Variants in FOXN3 observed in about 807,000 individuals in gnomAD.
The protein encoded by FOXN3 is forkhead box protein N3.
FOXN3 carries 7 observed loss-of-function variants against 38.4 expected under a neutral mutation model. That is an observed-to-expected ratio of 0.18 (90% CI 0.10 to 0.34). The LOEUF is 0.34. Ranked by LOEUF, FOXN3 falls within the 10% of genes least tolerant of loss-of-function variation. The pLI is 1.00. For missense variants in FOXN3, 456 were observed against 613.4 expected, an observed-to-expected ratio of 0.74 and a Z score of 2.71; for synonymous variants, 230 against 242.2, an observed-to-expected ratio of 0.95 and a Z score of 0.47.
intron 1 of FOXN3, among the ~76,000 whole-genome samples, chr14:89,504,825 C>T (rs185273215): frequency 2.0e-5 from 3 of 152,256 alleles, no homozygotes; most frequent in Admixed American, 2.0e-4. Context: ...CCCACAGGAC[C>T]AGCTGTTACC....
intron 4 of FOXN3, among the ~76,000 whole-genome samples, chr14:89,268,094 T>C (rs938118905): frequency 6.6e-6 from 1 of 152,120 alleles, no homozygotes; most frequent in African/African-American, 2.4e-5. Flanking sequence ...AGCTACACAT[T>C]AATTTACACA....
intron 5 of FOXN3, among the ~76,000 whole-genome samples, chr14:89,178,199 T>G (rs973312508): frequency 3.0e-4 from 45 of 151,120 alleles, no homozygotes; most frequent in African/African-American, 1.1e-3. Flanking sequence ...TAAATAGAGA[T>G]AAGTTTTCGC....
At chr14:89,389,003 C>T (rs1890863899) in intron 2 of FOXN3, among the ~76,000 whole-genome samples, 1 of 151,994 alleles carries the variant, frequency 6.6e-6, no homozygotes, top group Non-Finnish European at 1.5e-5. Context: ...GGGAAGAGAA[C>T]TCAGAGATTC....
At chr14:89,313,888 G>T (rs1887646333) in intron 3 of FOXN3, among the ~76,000 whole-genome samples, 1 of 152,124 alleles carries the variant, frequency 6.6e-6, no homozygotes, top group Non-Finnish European at 1.5e-5. Context: ...AGTCACAAAA[G>T]GACAAACACT....
intron 1 of FOXN3, among the ~76,000 whole-genome samples, chr14:89,429,492 T>C (rs1892112887): frequency 6.6e-6 from 1 of 151,892 alleles, no homozygotes; most frequent in South Asian, 2.1e-4. Flanking sequence ...GCTCATTTCA[T>C]CCACCTCATT....
intron 4 of FOXN3, among the ~76,000 whole-genome samples, chr14:89,227,406 T>C (rs1203899886): frequency 3.3e-5 from 5 of 152,248 alleles, no homozygotes; most frequent in African/African-American, 1.2e-4. Flanking sequence ...TCAATTGGAC[T>C]CCCTTCACGG....
chr14:89,336,216 C>CCATCCA (rs1555419027), intron 3 of FOXN3, among the ~76,000 whole-genome samples: 38 of 143,160 alleles, frequency 2.7e-4, no homozygotes, highest in African/African-American at 9.6e-4. Context: ...CTAACGGTGC[C>CCATCCA]TCCATCCATC....
At chr14:89,218,872 T>C (rs1234851865) in intron 4 of FOXN3, among the ~76,000 whole-genome samples, 1 of 152,204 alleles carries the variant, frequency 6.6e-6, no homozygotes, top group East Asian at 1.9e-4. Flanking sequence ...TTTGTGGCAT[T>C]AGGAACCAAC....
At chr14:89,404,749 A>G (rs768421621) in intron 2 of FOXN3, among the ~76,000 whole-genome samples, 3 of 152,068 alleles carry the variant, frequency 2.0e-5, no homozygotes, top group African/African-American at 7.2e-5. Flanking sequence ...GGCCGTCTTC[A>G]GGGAGAGCCA....
chr14:89,285,411 C>T (rs34485701), intron 3 of FOXN3, among the ~76,000 whole-genome samples: 1,906 of 151,948 alleles, frequency 0.013, 40 homozygotes, highest in African/African-American at 0.044. Context: ...CCCAGCTACT[C>T]AGGAGGCTAA....
chr14:89,207,136 G>A (rs546278817), intron 4 of FOXN3, among the ~76,000 whole-genome samples: 2 of 152,004 alleles, frequency 1.3e-5, no homozygotes, highest in East Asian at 1.9e-4. Context: ...CAGCAGGATC[G>A]CTTGAACCCG....
intron 1 of FOXN3, among the ~76,000 whole-genome samples, chr14:89,514,099 A>G (rs1894154377): frequency 6.6e-6 from 1 of 152,172 alleles, no homozygotes; most frequent in Non-Finnish European, 1.5e-5. Flanking sequence ...TCATCTTGAA[A>G]GACAAGATAA....
intron 2 of FOXN3, among the ~76,000 whole-genome samples, chr14:89,385,083 T>C (rs962674179): frequency 1.3e-5 from 2 of 152,126 alleles, no homozygotes; most frequent in African/African-American, 4.8e-5. Flanking sequence ...TCACAACAAA[T>C]ATATTAGGTC....
intron 1 of FOXN3, among the ~76,000 whole-genome samples, chr14:89,562,215 G>A (rs1019742062): frequency 2.6e-5 from 4 of 152,028 alleles, no homozygotes; most frequent in African/African-American, 7.3e-5. Context: ...CCAAGTTGTC[G>A]TCTGCAGGGT....
chr14:89,424,536 T>G (rs555251606), intron 1 of FOXN3, among the ~76,000 whole-genome samples: 26 of 152,270 alleles, frequency 1.7e-4, no homozygotes, highest in Non-Finnish European at 4.4e-5. Flanking sequence ...CTACAAACTC[T>G]TACGCAGGTT....
chr14:89,216,317 CA>C (rs1884280469), intron 4 of FOXN3, among the ~76,000 whole-genome samples: 1 of 152,060 alleles, frequency 6.6e-6, no homozygotes, highest in Admixed American at 6.6e-5. Flanking sequence ...CACAAAAACC[CA>C]AATGTTTACC....
intron 1 of FOXN3, among the ~76,000 whole-genome samples, chr14:89,550,021 A>G (rs745483095): frequency 2.0e-5 from 3 of 152,232 alleles, no homozygotes; most frequent in Non-Finnish European, 2.9e-5. Flanking sequence ...GCAGGACTAG[A>G]GAGTTTTGCC....
At chr14:89,248,213 C>T (rs149772283) in intron 4 of FOXN3, among the ~76,000 whole-genome samples, 231 of 152,300 alleles carry the variant, frequency 1.5e-3, no homozygotes, top group African/African-American at 4.4e-3. Context: ...ATGCCACAAG[C>T]GCAAAGACTT....
At chr14:89,292,597 T>G (rs555835370) in intron 3 of FOXN3, among the ~76,000 whole-genome samples, 1 of 152,292 alleles carries the variant, frequency 6.6e-6, no homozygotes, top group East Asian at 1.9e-4. Context: ...CACCCCCCTT[T>G]TCTGCCTTCT....
Sources: allele counts gnomAD v4.1 joint callset (sites outside exome capture counted in the v4.1 genomes callset), GRCh38; gene constraint gnomAD v4.1.1; transcripts MANE v1.5; gene names NCBI Gene and HGNC (gene_info 2026-07-23, HGNC 2026-07-21).